The following ZZEF1 variants were observed in gnomAD, a reference collection of about 807,000 sequenced individuals.
ZZEF1 encodes the protein zinc finger ZZ-type and EF-hand domain-containing protein 1.
Under a neutral mutation model 342.8 loss-of-function variants are expected in ZZEF1, and 157 were observed. The observed-to-expected ratio is 0.46, with a 90% CI of 0.40 to 0.52. The LOEUF (loss-of-function observed/expected upper bound fraction) is 0.52, where lower values mean the gene tolerates loss of function less well. Ranked by LOEUF, ZZEF1 falls within the 20% of genes least tolerant of loss-of-function variation. The pLI is 0.00. For synonymous variants in ZZEF1, 1,505 were observed against 1,429.1 expected (o/e 1.05, Z -1.20); for missense variants, 3,480 against 3,725.6 (o/e 0.93, Z 1.72).
intron 1 of ZZEF1, among the ~76,000 whole-genome samples, chr17:4,138,121 G>C (rs191687091): frequency 1.3e-3 from 199 of 152,344 alleles, no homozygotes; most frequent in Non-Finnish European, 2.3e-3. Context: ...GGCTTCAACC[G>C]ATTCAGACAA....
At position 4,014,178 on chromosome 17, in the gene ZZEF1, CAG is replaced by C. The variant is rs765886499; in HGVS notation, c.8323_8324del (p.Leu2775ValfsTer86). ...TCATGTCGGAGGTGAAGCGGTAATA[CAG>C]AGTGTCTCCTAGGCACACAAGGATC... ...WKDFELPGDT[L>X]YYRFTSDMSN... On this transcript the variant is annotated frameshift_variant, in exon 51 of 55. Coordinates refer to ENST00000381638, the MANE Select transcript of ZZEF1 (RefSeq NM_015113.4). LOFTEE classifies it high-confidence loss of function. The surrounding 1 kb of genome is among the most constrained non-coding windows in gnomAD (Gnocchi z 4.4). 1 of 1,614,158 alleles carries C rather than the reference CAG, an allele frequency of 6.2e-7. No individual in the cohort carries two copies. Among genetic ancestry groups the C allele is most frequent in the African/African-American group, 1.3e-5 (1 of 75,038 alleles).
intron 16 of ZZEF1, among the ~76,000 whole-genome samples, chr17:4,083,261 C>G (rs957727156): frequency 6.6e-6 from 1 of 152,196 alleles, no homozygotes; most frequent in Admixed American, 6.5e-5. Flanking sequence ...AAACGTCATG[C>G]GTCCTGTTTC....
At chr17:4,105,652 C>T (rs2058198762) in intron 7 of ZZEF1, 41 bp downstream of exon 7, 1 of 1,405,362 alleles carries the variant, frequency 7.1e-7, no homozygotes, top group African/African-American at 1.4e-5. Flanking sequence ...TACGTGCACT[C>T]CATTCCTCAC....
chr17:4,052,943 C>T (rs1441549960), intron 34 of ZZEF1, among the ~76,000 whole-genome samples: 1 of 152,180 alleles, frequency 6.6e-6, no homozygotes, highest in African/African-American at 2.4e-5. Context: ...AAGAGATGGG[C>T]TGCACTGGTC....
intron 34 of ZZEF1, 126 bp downstream of exon 34, chr17:4,053,931 G>T: frequency 9.2e-7 from 1 of 1,090,784 alleles, no homozygotes; most frequent in Non-Finnish European, 1.3e-6. Flanking sequence ...TCGCCAAGAA[G>T]TCAGAGAAAA....
At chr17:4,123,583 A>G (rs1362374206) in intron 2 of ZZEF1, among the ~76,000 whole-genome samples, 2 of 152,020 alleles carry the variant, frequency 1.3e-5, no homozygotes, top group African/African-American at 4.8e-5. Flanking sequence ...ATCAATTACA[A>G]TGGTAATATG....
Position 4,082,419 on chromosome 17 carries a change from A to G in ZZEF1, c.2714+18T>C. 1 of 1,613,428 alleles carries G rather than the reference A, an allele frequency of 6.2e-7. No homozygotes were observed. Among genetic ancestry groups the G allele is most frequent in the Non-Finnish European group, 8.5e-7 (1 of 1,179,482 alleles). On this transcript the variant is annotated intron_variant, in intron 17 of 54. Transcript: ENST00000381638. The stretch of plus-strand genomic sequence containing the variant: ...AAGATTTGAGTTATCCGACAATTAA[A>G]AAGAACGATCAGCTTACCTAAAATA...
At chr17:4,051,925 A>T in intron 35 of ZZEF1, 46 bp downstream of exon 35, 1 of 1,559,606 alleles carries the variant, frequency 6.4e-7, no homozygotes, top group Non-Finnish European at 8.7e-7. Context: ...CAAGTGAAGG[A>T]ACGTGTAAAT....
chr17:4,075,195 T>G lies in ZZEF1; in HGVS notation c.3402-17A>C, dbSNP rs765637454. The G allele has an allele frequency of 6.2e-7, 1 of 1,613,826 alleles. No homozygotes were observed. The highest frequency in any genetic ancestry group is 8.5e-7 in the Non-Finnish European group (1 of 1,179,828). ...TAATCATACCTGTGAAGGCATAACCTCTATTAGCTTCCTTCTCTCATTGCT... is the reference window on the plus strand; with the variant it reads ...TAATCATACCTGTGAAGGCATAACCGCTATTAGCTTCCTTCTCTCATTGCT... On this transcript the variant is annotated splice_polypyrimidine_tract_variant and intron_variant, in intron 22 of 54. Transcript: ENST00000381638.
chr17:4,011,695 C>CT (rs200732902), intron 52 of ZZEF1, among the ~76,000 whole-genome samples: 4 of 151,436 alleles, frequency 2.6e-5, no homozygotes, highest in African/African-American at 4.9e-5. Flanking sequence ...TTGGATTTTG[C>CT]TTTTTTTTAA....
At chr17:4,068,796 G>A (rs2057453515) in intron 26 of ZZEF1, among the ~76,000 whole-genome samples, 1 of 152,066 alleles carries the variant, frequency 6.6e-6, no homozygotes, top group Non-Finnish European at 1.5e-5. Context: ...CTGCCCTCAA[G>A]CAGCTTATAT....
At chr17:4,137,381 T>C (rs2085045) in intron 1 of ZZEF1, among the ~76,000 whole-genome samples, 104,856 of 151,930 alleles carry the variant, frequency 0.69, 37,489 homozygotes, top group Non-Finnish European at 0.78. Context: ...GAGGCCGAGG[T>C]GGGCGGATCA....
At chr17:4,059,104 T>C in intron 31 of ZZEF1, 67 bp downstream of exon 31, 1 of 1,364,256 alleles carries the variant, frequency 7.3e-7, no homozygotes, top group Non-Finnish European at 9.7e-7. Context: ...ACAGTGAACA[T>C]ATATTTCTTT....
At chr17:4,050,376 G>A (rs986459688) in intron 36 of ZZEF1, among the ~76,000 whole-genome samples, 6 of 152,092 alleles carry the variant, frequency 3.9e-5, no homozygotes, top group Non-Finnish European at 7.4e-5. Flanking sequence ...GATTCATGTC[G>A]ATATATTGCT....
At chr17:4,018,242 T>G (rs769169197) in intron 46 of ZZEF1, among the ~76,000 whole-genome samples, 23 of 152,210 alleles carry the variant, frequency 1.5e-4, no homozygotes, top group Admixed American at 2.0e-4. Flanking sequence ...TTTAAATGTT[T>G]TATTTTCATT....
At position 4,067,363 on chromosome 17, in the gene ZZEF1, T is replaced by G. The variant is rs111993731; in HGVS notation, c.4076-121A>C. ...AAAAGTCCTCCTGACAATCACACAT[T>G]GAGGATGGTAAGAGAGACTCAGGGA... On this transcript the variant is annotated intron_variant, in intron 26 of 54. Transcript: ENST00000381638. 6.6e-5 allele frequency: 44 copies of G among 667,854 alleles called. 1 individual carries two copies. Among genetic ancestry groups the G allele is most frequent in the African/African-American group, 4.3e-4 (23 of 53,958 alleles). 41.4% of individuals were successfully genotyped at this position (667,854 alleles called of 1,614,324 possible). A position where few individuals can be genotyped will look rare whatever the true frequency, so the allele number is the denominator to read the frequency against.
At chr17:4,052,259 C>T (rs1217449543) in intron 34 of ZZEF1, 123 bp from the exon 35 acceptor site, 2 of 927,746 alleles carry the variant, frequency 2.2e-6, no homozygotes, top group East Asian at 2.8e-5. Flanking sequence ...GATACAGGGC[C>T]CACAGGCGTT....
intron 41 of ZZEF1, among the ~76,000 whole-genome samples, chr17:4,032,602 C>T (rs2056572794): frequency 6.6e-6 from 1 of 152,230 alleles, no homozygotes; most frequent in South Asian, 2.1e-4. Context: ...TCAAAGCCAA[C>T]TACTGGCTAT....
At position 4,075,468 on chromosome 17, in the gene ZZEF1, T is replaced by C. The variant is rs1403465032; in HGVS notation, c.3235-39A>G. The C allele has an allele frequency of 1.9e-6, 3 of 1,603,964 alleles. No homozygotes were observed. The East Asian group carries it at 6.7e-5, about 36-fold the overall frequency. ...TGAGCCAGGGGAAAGAAAGGTTCTA[T>C]CACTAGACACCTAGCCACATGCAGC... On this transcript the variant is annotated intron_variant, in intron 21 of 54. Coordinates refer to ENST00000381638, the MANE Select transcript of ZZEF1 (RefSeq NM_015113.4).
Sources: allele counts gnomAD v4.1 joint callset (sites outside exome capture counted in the v4.1 genomes callset), GRCh38; gene constraint gnomAD v4.1.1; non-coding constraint Gnocchi (gnomAD v3.1); transcripts MANE v1.5; gene names NCBI Gene and HGNC (gene_info 2026-07-23, HGNC 2026-07-21).